PCDH15: variants seen among roughly 807,000 people sequenced by gnomAD.
PCDH15 encodes protocadherin related 15.
In PCDH15, 129 loss-of-function variants were observed where a neutral mutation model predicts 178.5. The ratio of observed to expected loss-of-function variants is 0.72; its 90% CI spans 0.63 to 0.84. PCDH15 has a LOEUF of 0.84. PCDH15 is among the 40% of genes least tolerant of loss of function. PCDH15 has a pLI of 0.00. For synonymous variants in PCDH15, 800 were observed against 732.0 expected, an observed-to-expected ratio of 1.09 and a Z score of -1.50; for missense variants, 2,230 against 2,099.9, an observed-to-expected ratio of 1.06 and a Z score of -1.21.
At chr10:54,393,298 A>G (rs1471658171) in intron 3 of PCDH15, among the ~76,000 whole-genome samples, 1 of 152,190 alleles carries the variant, frequency 6.6e-6, no homozygotes, top group Non-Finnish European at 1.5e-5. Flanking sequence ...TGAAATGATT[A>G]TCATCTGAAC....
At chr10:53,868,703 T>A (rs1011319365) in intron 26 of PCDH15, among the ~76,000 whole-genome samples, 1 of 152,214 alleles carries the variant, frequency 6.6e-6, no homozygotes, top group African/African-American at 2.4e-5. Context: ...ATTCTATATA[T>A]ATTGTGAACC....
intron 1 of PCDH15, among the ~76,000 whole-genome samples, chr10:54,713,940 TTC>T (rs1305964725): frequency 6.6e-6 from 1 of 152,166 alleles, no homozygotes; most frequent in Admixed American, 6.6e-5. Context: ...CTCACATTAA[TTC>T]TGTGTCTTAT....
intron 2 of PCDH15, among the ~76,000 whole-genome samples, chr10:55,060,572 T>C (rs1841404897): frequency 6.6e-6 from 1 of 152,004 alleles, no homozygotes. Context: ...CTAAGAAATA[T>C]ATAGATAATT....
chr10:53,947,219 T>C (rs369341059), intron 23 of PCDH15, among the ~76,000 whole-genome samples: 1 of 152,186 alleles, frequency 6.6e-6, no homozygotes, highest in South Asian at 2.1e-4. Context: ...TTAGACCCAG[T>C]TTTTACCGTA....
At chr10:54,276,390 G>A (rs11004199) in intron 8 of PCDH15, among the ~76,000 whole-genome samples, 73,125 of 151,006 alleles carry the variant, frequency 0.48, 18,730 homozygotes, top group Middle Eastern at 0.59. Context: ...AATATTATAA[G>A]AGAATGTTGA....
At chr10:54,255,989 A>G (rs1451637552) in intron 8 of PCDH15, among the ~76,000 whole-genome samples, 1 of 152,216 alleles carries the variant, frequency 6.6e-6, no homozygotes, top group Non-Finnish European at 1.5e-5. Context: ...ACATCTGATA[A>G]TTGACCAGGA....
At chr10:55,029,849 C>G (rs1206003074) in intron 2 of PCDH15, among the ~76,000 whole-genome samples, 1 of 152,096 alleles carries the variant, frequency 6.6e-6, no homozygotes, top group Non-Finnish European at 1.5e-5. Flanking sequence ...CAGCCAGTTG[C>G]CCCAAGGTCC....
chr10:54,364,686 TATC>T (rs1452358844), intron 5 of PCDH15, among the ~76,000 whole-genome samples: 3 of 152,172 alleles, frequency 2.0e-5, no homozygotes, highest in African/African-American at 7.2e-5. Context: ...TCATAAAAAT[TATC>T]ATAAATTTTG....
rs996809022 is a variant in PCDH15 at position 54,201,616 on chromosome 10, G to A, written c.1099-5727C>T. On this transcript the variant is annotated intron_variant, in intron 10 of 37. Transcript: ENST00000644397. ...TTCGGACAATCCCTGGTATATGGAA[G>A]AAGGTCAAATATATATTTATTTTTA... Among the ~76,000 whole-genome samples, 8 of 151,462 alleles carry A rather than the reference G, an allele frequency of 5.3e-5. No individual in the cohort carries two copies. The South Asian group carries it at 1.7e-3, about 31-fold the overall frequency.
chr10:55,292,932 T>G (rs1225999725), intron 1 of PCDH15, among the ~76,000 whole-genome samples: 1 of 151,674 alleles, frequency 6.6e-6, no homozygotes, highest in Non-Finnish European at 1.5e-5. Context: ...CCTCTTCTCA[T>G]AGCTCCACTG....
intron 3 of PCDH15, among the ~76,000 whole-genome samples, chr10:54,850,554 T>G (rs1347887934): frequency 6.6e-6 from 1 of 152,130 alleles, no homozygotes; most frequent in Admixed American, 6.6e-5. Flanking sequence ...GTTTTTCCAT[T>G]CATTCTTAGG....
At chr10:55,145,002 C>T (rs896432156) in intron 2 of PCDH15, among the ~76,000 whole-genome samples, 1 of 151,940 alleles carries the variant, frequency 6.6e-6, no homozygotes, top group African/African-American at 2.4e-5. Flanking sequence ...ATTATAACTA[C>T]AGAAATTCTC....
chr10:55,095,681 T>G (rs888348228), intron 2 of PCDH15, among the ~76,000 whole-genome samples: 18 of 152,110 alleles, frequency 1.2e-4, no homozygotes, highest in African/African-American at 4.1e-4. Flanking sequence ...CTAGGCCAAG[T>G]GCTGAAAACA....
chr10:54,514,578 T>C (rs1051811206), intron 3 of PCDH15, among the ~76,000 whole-genome samples: 4 of 151,606 alleles, frequency 2.6e-5, no homozygotes, highest in African/African-American at 9.7e-5. Context: ...TGAATAAAAA[T>C]TATATTTTGT....
chr10:53,866,608 G>A (rs2079472053), intron 27 of PCDH15, 34 bp downstream of exon 27: 1 of 1,531,964 alleles, frequency 6.5e-7, no homozygotes, highest in Non-Finnish European at 9.0e-7. Context: ...TAGTATCGTA[G>A]CTACTTCCCT....
At chr10:55,240,825 T>C (rs1841521601) in intron 1 of PCDH15, among the ~76,000 whole-genome samples, 1 of 152,224 alleles carries the variant, frequency 6.6e-6, no homozygotes, top group Non-Finnish European at 1.5e-5. Context: ...TTACCAAGCA[T>C]TCTTCAAAAG....
chr10:55,293,721 A>G (rs113166333), intron 1 of PCDH15, among the ~76,000 whole-genome samples: 24,690 of 152,106 alleles, frequency 0.16, 3,413 homozygotes, highest in African/African-American at 0.38. Flanking sequence ...CCACTTCCCA[A>G]CAAGTTCCTC....
chr10:54,020,746 A>G (rs1446150236), intron 19 of PCDH15, among the ~76,000 whole-genome samples: 1 of 148,624 alleles, frequency 6.7e-6, no homozygotes, highest in African/African-American at 2.6e-5. Flanking sequence ...AAATCACTAA[A>G]TGAACTATAT....
chr10:55,316,875 T>A (rs1843734687), intron 1 of PCDH15, among the ~76,000 whole-genome samples: 1 of 152,210 alleles, frequency 6.6e-6, no homozygotes, highest in South Asian at 2.1e-4. Flanking sequence ...TTCTGATTAT[T>A]ATTTGCATAA....
Sources: allele counts gnomAD v4.1 joint callset (sites outside exome capture counted in the v4.1 genomes callset), GRCh38; gene constraint gnomAD v4.1.1; transcripts MANE v1.5; gene names NCBI Gene and HGNC (gene_info 2026-07-23, HGNC 2026-07-21).